PAGE5: variants seen among roughly 807,000 people sequenced by gnomAD.
PAGE5 encodes the protein P antigen family member 5.
Under a neutral mutation model 8.1 loss-of-function variants are expected in PAGE5, and 8 were observed. The observed-to-expected ratio is 0.98, with a 90% CI of 0.58 to 1.77. The LOEUF (loss-of-function observed/expected upper bound fraction) is 1.77. Ranked by LOEUF, PAGE5 falls within the 40% of genes most tolerant of loss-of-function variation. The probability of loss-of-function intolerance (pLI) is 0.00; values close to 1 mark genes in which losing one functional copy is unlikely to be tolerated. For synonymous variants in PAGE5, 30 were observed against 27.0 expected (o/e 1.11, Z -0.35); for missense variants, 64 against 77.6 (o/e 0.82, Z 0.66).
Position 55,222,216 on chromosome X carries a change from T to G in PAGE5, c.190+341T>G, listed in dbSNP as rs182375853. On this transcript the variant is annotated intron_variant, in intron 3 of 4. Coordinates refer to ENST00000374955, the MANE Select transcript of PAGE5 (RefSeq NM_001013435.3). ...GGAAGAATGGCAGCTTGCAGCTTCC[T>G]AGTCTGCCATCTGCGGACATCTCTC... Among the ~76,000 whole-genome samples, 411 of 112,443 alleles carry G rather than the reference T, an allele frequency of 3.7e-3. 2 individuals are homozygous for G. Among genetic ancestry groups the G allele is most frequent in the African/African-American group, 0.013 (391 of 31,013 alleles).
At chrX:55,220,557 G>A in intron 1 of PAGE5, 105 bp downstream of exon 1, 2 of 1,164,285 alleles carry the variant, frequency 1.7e-6, no homozygotes, top group Non-Finnish European at 1.2e-6. Context: ...GGCTTTGAGG[G>A]AAAAGGGCCT....
chrX:55,220,698 G>T, intron 1 of PAGE5: 2 of 1,144,554 alleles, frequency 1.7e-6, no homozygotes, highest in Non-Finnish European at 2.3e-6. Context: ...GCGAGTCCTG[G>T]GGGTGGGTGC....
At chrX:55,222,129 T>C (rs1937901264) in intron 3 of PAGE5, among the ~76,000 whole-genome samples, 1 of 112,311 alleles carries the variant, frequency 8.9e-6, no homozygotes, top group Non-Finnish European at 1.9e-5. Context: ...CCAGAGTTCC[T>C]GTATGGTTTG....
chrX:55,220,599 G>A lies in PAGE5; in HGVS notation c.-9+147G>A, dbSNP rs769479491. On this transcript the variant is annotated intron_variant, in intron 1 of 4. Coordinates refer to ENST00000374955, the MANE Select transcript of PAGE5 (RefSeq NM_001013435.3). Reference sequence around the variant, plus strand: ...GGTCCTCCGCCTTCCCCCAGGTCCTGATGCAGGCGCCATGGGCCGGTAATC... The same window carrying A: ...GGTCCTCCGCCTTCCCCCAGGTCCTAATGCAGGCGCCATGGGCCGGTAATC... 3 of 1,196,245 alleles carry A rather than the reference G, an allele frequency of 2.5e-6. No homozygotes were observed. The African/African-American group carries it at 5.3e-5, about 21-fold the overall frequency.
At chrX:55,221,970 T>A in intron 3 of PAGE5, 95 bp downstream of exon 3, 1 of 924,993 alleles carries the variant, frequency 1.1e-6, no homozygotes, top group South Asian at 2.4e-5. Flanking sequence ...ACAGAAAACA[T>A]TAGGAAGGAA....
chrX:55,222,805 G>T lies in PAGE5; in HGVS notation c.316+59G>T, dbSNP rs1038814839. 6.2e-6 allele frequency: 7 copies of T among 1,130,568 alleles called. No homozygotes were observed. The Admixed American group carries it at 7.1e-5, about 12-fold the overall frequency. 93.2% of individuals were successfully genotyped at this position (1,130,568 alleles called of 1,213,427 possible). A position where few individuals can be genotyped will look rare whatever the true frequency, so the allele number is the denominator to read the frequency against. Reference sequence around the variant, plus strand: ...TTCTATTTTCACAATATTGTATTTTGTGTGACACAGAGGTAAAATTACTGC... The same window carrying T: ...TTCTATTTTCACAATATTGTATTTTTTGTGACACAGAGGTAAAATTACTGC... On this transcript the variant is annotated intron_variant, in intron 4 of 4. Transcript: ENST00000374955.
chrX:55,223,015 G>T (rs1937914294), intron 4 of PAGE5, among the ~76,000 whole-genome samples: 2 of 111,354 alleles, frequency 1.8e-5, no homozygotes, highest in African/African-American at 3.3e-5. Context: ...AGAATAAATT[G>T]GGTCAAAGCT....
intron 2 of PAGE5, 109 bp from the exon 3 acceptor site, chrX:55,221,658 T>G: frequency 1.1e-6 from 1 of 915,768 alleles, no homozygotes; most frequent in Admixed American, 2.9e-5. Flanking sequence ...ACTCTCTCTC[T>G]ATATATATAT....
rs145080791 is a variant in PAGE5, at chrX:55,220,395, C to A, written c.-66C>A. 2.4e-3 allele frequency: 1,033 copies of A among 428,881 alleles called. 3 individuals carry two copies. Among genetic ancestry groups the A allele is most frequent in the Non-Finnish European group, 3.3e-3 (788 of 238,509 alleles). The allele number at this position is 428,881 out of a possible 1,213,427, so 35.3% of individuals were successfully genotyped here. On this transcript the variant is annotated 5_prime_UTR_variant, in exon 1 of 5. Transcript: ENST00000374955. ...AGGAGAGGTTGTGTCTTCGTTCTTT[C>A]CGCCATCTTCGTTCTTTCCAACATC... is the stretch of plus-strand genomic sequence containing the variant.
chrX:55,220,875 C>A (rs1937883163), intron 1 of PAGE5, among the ~76,000 whole-genome samples: 1 of 111,072 alleles, frequency 9.0e-6, no homozygotes, highest in Admixed American at 9.6e-5. Context: ...CTGTAGAGTG[C>A]CTGGCAGAGG....
intron 3 of PAGE5, 137 bp from the exon 4 acceptor site, chrX:55,222,484 T>G: frequency 1.3e-6 from 1 of 741,455 alleles, no homozygotes; most frequent in Non-Finnish European, 2.0e-6. Flanking sequence ...CATTTCTGCT[T>G]TCCTGCTTTT....
intron 4 of PAGE5, among the ~76,000 whole-genome samples, chrX:55,223,050 T>A (rs1348940739): frequency 8.9e-6 from 1 of 111,801 alleles, no homozygotes; most frequent in South Asian, 3.7e-4. Flanking sequence ...ATGAAAGATA[T>A]GAAACATGCT....
chrX:55,220,456 G>T lies in PAGE5; in HGVS notation c.-9+4G>T. The T allele has an allele frequency of 1.8e-6, 1 of 549,001 alleles. No individual in the cohort carries two copies. The highest frequency in any genetic ancestry group is 2.6e-5 in the South Asian group (1 of 38,560). The allele number at this position is 549,001 out of a possible 1,213,427, so 45.2% of individuals were successfully genotyped here. On this transcript the variant is annotated splice_donor_region_variant and intron_variant, in intron 1 of 4. Transcript: ENST00000374955. The stretch of plus-strand genomic sequence containing the variant: ...CTCACTGACCGAGACTCAGCCGGTA[G>T]GTCTGCAGAGTGGTCTTCCTGGTAA...
intron 2 of PAGE5, 112 bp from the exon 3 acceptor site, chrX:55,221,655 C>CTATA: frequency 1.1e-6 from 1 of 912,320 alleles, no homozygotes; most frequent in Non-Finnish European, 1.5e-6. Context: ...TTTACTCTCT[C>CTATA]TCTATATATA....
chrX:55,222,966 G>A (rs912119449), intron 4 of PAGE5, among the ~76,000 whole-genome samples: 1 of 111,490 alleles, frequency 9.0e-6, no homozygotes, highest in Non-Finnish European at 1.9e-5. Flanking sequence ...TTGGGAAGCC[G>A]AGGCAGAAAG....
intron 1 of PAGE5, 50 bp from the exon 2 acceptor site, chrX:55,221,325 A>G: frequency 1.8e-6 from 2 of 1,089,186 alleles, no homozygotes. Context: ...GTTCATATAT[A>G]TAGCTAAGTT....
Position 55,222,606 on chromosome X carries a change from C to CT in PAGE5, c.191-10dup, listed in dbSNP as rs1386105754. The CT allele has an allele frequency of 8.3e-7, 1 of 1,199,245 alleles. No homozygotes were observed. Among genetic ancestry groups the CT allele is most frequent in the East Asian group, 3.0e-5 (1 of 33,761 alleles). ...CATATTTTAATTCGTAAATTGACGACTTTTTATCTTTAAGGGACTGATGTG... is the reference window on the plus strand; with the variant it reads ...CATATTTTAATTCGTAAATTGACGACTTTTTTATCTTTAAGGGACTGATGTG... On this transcript the variant is annotated splice_polypyrimidine_tract_variant and intron_variant, in intron 3 of 4. Coordinates refer to ENST00000374955, the MANE Select transcript of PAGE5 (RefSeq NM_001013435.3).
At position 55,222,604 on chromosome X, in the gene PAGE5, G is replaced by A. The variant is rs764999984; in HGVS notation, c.191-17G>A. 8 of 1,195,219 alleles carry A rather than the reference G, an allele frequency of 6.7e-6. No individual in the cohort carries two copies. Among genetic ancestry groups the A allele is most frequent in the Admixed American group, 2.2e-5 (1 of 45,569 alleles). ...TTCATATTTTAATTCGTAAATTGAC[G>A]ACTTTTTATCTTTAAGGGACTGATG... On this transcript the variant is annotated splice_polypyrimidine_tract_variant and intron_variant, in intron 3 of 4. Transcript: ENST00000374955.
At chrX:55,222,154 G>GT (rs1450895530) in intron 3 of PAGE5, among the ~76,000 whole-genome samples, 4 of 112,059 alleles carry the variant, frequency 3.6e-5, no homozygotes, top group African/African-American at 1.3e-4. Context: ...GCTATTTTCT[G>GT]TTTTTTGTTT....
Sources: allele counts gnomAD v4.1 joint callset (sites outside exome capture counted in the v4.1 genomes callset), GRCh38; gene constraint gnomAD v4.1.1; transcripts MANE v1.5; gene names NCBI Gene and HGNC (gene_info 2026-07-23, HGNC 2026-07-21).